Variants in DGKB observed in about 807,000 individuals in gnomAD.
DGKB encodes diacylglycerol kinase beta.
Under a neutral mutation model 114.3 loss-of-function variants are expected in DGKB, and 67 were observed. The observed-to-expected ratio is 0.59, with a 90% CI of 0.48 to 0.72. DGKB has a LOEUF of 0.72. Among genes scored for constraint, DGKB ranks in the 30% least tolerant of loss-of-function variants. DGKB has a pLI of 0.00. For synonymous variants in DGKB, 398 were observed against 323.1 expected, an observed-to-expected ratio of 1.23 and a Z score of -2.49; for missense variants, 907 against 975.2, an observed-to-expected ratio of 0.93 and a Z score of 0.93.
At chr7:14,521,879 T>C (rs1320393048) in intron 20 of DGKB, among the ~76,000 whole-genome samples, 3 of 152,192 alleles carry the variant, frequency 2.0e-5, no homozygotes, top group African/African-American at 7.2e-5. Flanking sequence ...CAACTCTTGA[T>C]TTTTACTTTC....
chr7:14,434,734 AC>A (rs1828986758), intron 21 of DGKB, among the ~76,000 whole-genome samples: 1 of 152,152 alleles, frequency 6.6e-6, no homozygotes, highest in Non-Finnish European at 1.5e-5. Context: ...AAATGAGTAC[AC>A]TTTTCATAAC....
chr7:14,217,773 G>A (rs1451789739), intron 23 of DGKB, among the ~76,000 whole-genome samples: 1 of 152,028 alleles, frequency 6.6e-6, no homozygotes, highest in African/African-American at 2.4e-5. Flanking sequence ...GTCACCATGG[G>A]CTTAATGAAT....
chr7:14,587,922 G>A (rs1300384398), intron 17 of DGKB, among the ~76,000 whole-genome samples: 1 of 152,044 alleles, frequency 6.6e-6, no homozygotes, highest in Non-Finnish European at 1.5e-5. Context: ...TCACTTTATT[G>A]TGATATTCAC....
chr7:14,587,419 T>C (rs948384637), intron 17 of DGKB, among the ~76,000 whole-genome samples: 4 of 152,086 alleles, frequency 2.6e-5, no homozygotes, highest in African/African-American at 9.7e-5. Flanking sequence ...TGAAATGGAA[T>C]CTACTCCTAG....
intron 21 of DGKB, among the ~76,000 whole-genome samples, chr7:14,364,649 A>C (rs901993505): frequency 2.0e-5 from 3 of 152,030 alleles, no homozygotes; most frequent in Admixed American, 2.0e-4. Context: ...TAGATTTAAC[A>C]ATCATATAAT....
intron 2 of DGKB, among the ~76,000 whole-genome samples, chr7:14,837,745 T>C (rs1489208155): frequency 1.3e-5 from 2 of 152,168 alleles, no homozygotes; most frequent in African/African-American, 2.4e-5. Context: ...TTGAACAGCA[T>C]GAAAAATGAA....
At chr7:14,275,007 T>A (rs1798797349) in intron 23 of DGKB, among the ~76,000 whole-genome samples, 1 of 152,000 alleles carries the variant, frequency 6.6e-6, no homozygotes, top group Admixed American at 6.6e-5. Flanking sequence ...TGATTTCTTC[T>A]GTTTGAAATG....
intron 17 of DGKB, among the ~76,000 whole-genome samples, chr7:14,592,043 C>A (rs1801790045): frequency 6.6e-6 from 1 of 151,598 alleles, no homozygotes; most frequent in African/African-American, 2.4e-5. Flanking sequence ...CGCTTACATA[C>A]AATGTGGCTG....
At chr7:14,516,552 G>A (rs1279653273) in intron 20 of DGKB, among the ~76,000 whole-genome samples, 1 of 152,166 alleles carries the variant, frequency 6.6e-6, no homozygotes, top group East Asian at 1.9e-4. Context: ...AGGGAAATCT[G>A]GTGCCCTGCT....
At chr7:14,309,252 A>T (rs1052302255) in intron 23 of DGKB, among the ~76,000 whole-genome samples, 2 of 152,168 alleles carry the variant, frequency 1.3e-5, no homozygotes, top group Non-Finnish European at 2.9e-5. Flanking sequence ...TTTGTTTGCA[A>T]TCAGAGCCCT....
chr7:14,471,206 A>G lies in DGKB; in HGVS notation c.1835+6955T>C, dbSNP rs796684432. Among the ~76,000 whole-genome samples the G allele has an allele frequency of 6.1e-5, 3 of 49,408 alleles. 1 individual carries two copies. The highest frequency in any genetic ancestry group is 1.2e-4 in the Non-Finnish European group (3 of 25,362). The allele number at this position is 49,408 out of a possible 152,430, so 32.4% of individuals were successfully genotyped here. A position where few individuals can be genotyped will look rare whatever the true frequency, so the allele number is the denominator to read the frequency against. ...ATATATACATATATGTATGGAATATATGTATATATACATATATATGTATGG... is the reference window on the plus strand; with the variant it reads ...ATATATACATATATGTATGGAATATGTGTATATATACATATATATGTATGG... On this transcript the variant is annotated intron_variant, in intron 21 of 25. Coordinates refer to ENST00000402815, the MANE Select transcript of DGKB (RefSeq NM_001350709.2).
At chr7:14,445,536 A>C (rs2128822416) in intron 21 of DGKB, among the ~76,000 whole-genome samples, 1 of 152,144 alleles carries the variant, frequency 6.6e-6, no homozygotes, top group South Asian at 2.1e-4. Flanking sequence ...TTAAAGAAGA[A>C]GAAACAGCAG....
intron 1 of DGKB, among the ~76,000 whole-genome samples, chr7:14,949,183 G>T (rs1489828037): frequency 1.3e-5 from 2 of 151,676 alleles, no homozygotes; most frequent in African/African-American, 2.4e-5. Context: ...AATCTATATA[G>T]AAATATTCAA....
At chr7:14,217,561 A>T (rs1247421230) in intron 23 of DGKB, among the ~76,000 whole-genome samples, 1 of 152,082 alleles carries the variant, frequency 6.6e-6, no homozygotes, top group Non-Finnish European at 1.5e-5. Context: ...TACCAGGTTT[A>T]TATAAAAGTC....
chr7:14,189,264 A>G (rs1332264387), intron 23 of DGKB, among the ~76,000 whole-genome samples: 2 of 152,220 alleles, frequency 1.3e-5, no homozygotes, highest in Non-Finnish European at 2.9e-5. Flanking sequence ...TAAGTGAACA[A>G]AAGTATAAAT....
At chr7:14,507,667 C>T (rs77661982) in intron 20 of DGKB, among the ~76,000 whole-genome samples, 3,288 of 152,110 alleles carry the variant, frequency 0.022, 106 homozygotes, top group African/African-American at 0.071. Context: ...AATGTGATAC[C>T]CCCTGAAGCA....
intron 13 of DGKB, among the ~76,000 whole-genome samples, chr7:14,663,725 C>T (rs149965460): frequency 7.7e-5 from 11 of 143,742 alleles, no homozygotes; most frequent in African/African-American, 2.8e-4. Flanking sequence ...TTCCTTCTTT[C>T]CTCCCTTCCT....
intron 4 of DGKB, among the ~76,000 whole-genome samples, chr7:14,747,775 G>GCGCGCGCGCGCACACACACACA: frequency 0.06 from 9,013 of 149,112 alleles, 331 homozygotes; most frequent in Admixed American, 0.09. Flanking sequence ...ACATCCACGC[G>GCGCGCGCGCGCACACACACACA]CACGCACACA....
At chr7:14,851,884 G>A (rs1190759660) in intron 1 of DGKB, among the ~76,000 whole-genome samples, 3 of 152,106 alleles carry the variant, frequency 2.0e-5, no homozygotes, top group Non-Finnish European at 2.9e-5. Flanking sequence ...GAGTAAAGAC[G>A]CCTTCAGATG....
Sources: allele counts gnomAD v4.1 joint callset (sites outside exome capture counted in the v4.1 genomes callset), GRCh38; gene constraint gnomAD v4.1.1; transcripts MANE v1.5; gene names NCBI Gene and HGNC (gene_info 2026-07-23, HGNC 2026-07-21).